STXBP4: variants seen among roughly 807,000 people sequenced by gnomAD.
The protein encoded by STXBP4 is syntaxin binding protein 4.
Under a neutral mutation model 76.1 loss-of-function variants are expected in STXBP4, and 55 were observed. The observed-to-expected ratio is 0.72, with a 90% CI of 0.58 to 0.91. The LOEUF (loss-of-function observed/expected upper bound fraction) is 0.91, where lower values mean the gene tolerates loss of function less well. Ranked by LOEUF, STXBP4 falls within the 40% of genes least tolerant of loss-of-function variation. STXBP4 has a pLI of 0.00. For missense variants in STXBP4, 618 were observed against 636.9 expected (o/e 0.97, Z 0.32); for synonymous variants, 201 against 220.2 (o/e 0.91, Z 0.77).
chr17:54,973,781 G>A (rs2077432138), intron 1 of STXBP4, among the ~76,000 whole-genome samples: 1 of 152,218 alleles, frequency 6.6e-6, no homozygotes, highest in Non-Finnish European at 1.5e-5. Context: ...TTTGTAGGTA[G>A]AGGTGTTAAT....
the STXBP4 span, among the ~76,000 whole-genome samples, chr17:55,195,345 C>CA: frequency 6.6e-6 from 1 of 152,234 alleles, no homozygotes; most frequent in African/African-American, 2.4e-5. Flanking sequence ...CTGCTTACCC[C>CA]AAATGGGAAC....
chr17:55,203,645 A>C, the STXBP4 span, among the ~76,000 whole-genome samples: 1 of 152,208 alleles, frequency 6.6e-6, no homozygotes, highest in African/African-American at 2.4e-5. Flanking sequence ...ACATTTTAGC[A>C]CAATATAAGA....
intron 3 of STXBP4, among the ~76,000 whole-genome samples, chr17:54,988,893 G>A (rs1362290789): frequency 1.3e-5 from 2 of 152,128 alleles, no homozygotes. Flanking sequence ...CCAAATTAGA[G>A]CTGAATTCAG....
chr17:55,141,935 T>C (rs926517232), intron 17 of STXBP4, among the ~76,000 whole-genome samples: 2 of 152,198 alleles, frequency 1.3e-5, no homozygotes, highest in African/African-American at 2.4e-5. Flanking sequence ...TAGGACAGTA[T>C]ATGAACAAAC....
chr17:54,977,766 T>C (rs2077492991), intron 1 of STXBP4, among the ~76,000 whole-genome samples: 1 of 152,252 alleles, frequency 6.6e-6, no homozygotes. Context: ...TGATAAGGTA[T>C]AAAACAAGTT....
chr17:55,172,458 A>G lies in STXBP4; in HGVS notation c.*12547A>G, dbSNP rs981164703. 7 of 152,216 alleles carry G rather than the reference A, an allele frequency of 4.6e-5. No individual in the cohort carries two copies. Among genetic ancestry groups the G allele is most frequent in the Non-Finnish European group, 7.3e-5 (5 of 68,030 alleles). 9.4% of individuals were successfully genotyped at this position (152,216 alleles called of 1,614,324 possible). On this transcript the variant is annotated 3_prime_UTR_variant, in exon 18 of 18. Coordinates refer to ENST00000376352, the MANE Select transcript of STXBP4 (RefSeq NM_178509.6). Reference sequence around the variant, plus strand: ...AAACAAAAGTTACTTTCTTGGATGCATATATTCTTATAGCCTCAAAACTGA... The same window carrying G: ...AAACAAAAGTTACTTTCTTGGATGCGTATATTCTTATAGCCTCAAAACTGA...
chr17:55,136,021 G>A (rs1172656217), intron 16 of STXBP4, among the ~76,000 whole-genome samples: 1 of 152,138 alleles, frequency 6.6e-6, no homozygotes, highest in Non-Finnish European at 1.5e-5. Context: ...CAATGGACAA[G>A]TTATTTAAAC....
chr17:54,972,284 A>G (rs1050771255), intron 1 of STXBP4, among the ~76,000 whole-genome samples: 1 of 152,172 alleles, frequency 6.6e-6, no homozygotes, highest in Non-Finnish European at 1.5e-5. Context: ...GTTTCTCATC[A>G]TATTTTCTCC....
intron 16 of STXBP4, among the ~76,000 whole-genome samples, chr17:55,109,877 A>T (rs2079692102): frequency 6.6e-6 from 1 of 152,110 alleles, no homozygotes; most frequent in Non-Finnish European, 1.5e-5. Context: ...GGCCTCAAGC[A>T]ATCCACCAGT....
chr17:55,036,599 A>G (rs2078608014), intron 10 of STXBP4, among the ~76,000 whole-genome samples: 2 of 151,898 alleles, frequency 1.3e-5, no homozygotes, highest in South Asian at 4.1e-4. Context: ...TGAGTTGCTA[A>G]TAGTCTTATT....
intron 16 of STXBP4, among the ~76,000 whole-genome samples, chr17:55,126,468 C>T (rs1017994145): frequency 6.6e-6 from 1 of 152,062 alleles, no homozygotes; most frequent in African/African-American, 2.4e-5. Flanking sequence ...CCTCTTGGGG[C>T]ACAGAAGTAG....
At chr17:55,036,076 A>G (rs1018929248) in intron 10 of STXBP4, among the ~76,000 whole-genome samples, 3 of 151,998 alleles carry the variant, frequency 2.0e-5, no homozygotes, top group Non-Finnish European at 4.4e-5. Flanking sequence ...TATTAACTGT[A>G]GTCGCCATGT....
the STXBP4 span, among the ~76,000 whole-genome samples, chr17:55,212,394 T>G: frequency 6.6e-6 from 1 of 152,258 alleles, no homozygotes; most frequent in Non-Finnish European, 1.5e-5. Context: ...AATATGAGGA[T>G]AATAATTCTT....
At chr17:54,988,765 C>T (rs913688878) in intron 3 of STXBP4, among the ~76,000 whole-genome samples, 10 of 151,838 alleles carry the variant, frequency 6.6e-5, no homozygotes, top group African/African-American at 1.9e-4. Context: ...AGCAAGACCC[C>T]GTCTCAAAAA....
At chr17:55,158,982 C>T (rs1274478206) in intron 17 of STXBP4, among the ~76,000 whole-genome samples, 4 of 152,166 alleles carry the variant, frequency 2.6e-5, no homozygotes, top group Non-Finnish European at 2.9e-5. Flanking sequence ...CAGTGGCACA[C>T]GCCTGTAATC....
Position 55,053,359 on chromosome 17 carries a change from A to G in STXBP4, c.1011+6205A>G, listed in dbSNP as rs554325113. On this transcript the variant is annotated intron_variant, in intron 12 of 17. Transcript: ENST00000376352. ...AAAGTGCATGTATATTTATATATACATGTGTGTTATTTATACACATATATG... is the reference window on the plus strand; with the variant it reads ...AAAGTGCATGTATATTTATATATACGTGTGTGTTATTTATACACATATATG... Among the ~76,000 whole-genome samples the G allele has an allele frequency of 2.9e-4, 44 of 152,258 alleles. 1 individual carries two copies. The highest frequency in any genetic ancestry group is 6.8e-3 in the Middle Eastern group (2 of 294).
chr17:55,129,862 G>A (rs1188922336), intron 16 of STXBP4, among the ~76,000 whole-genome samples: 1 of 152,156 alleles, frequency 6.6e-6, no homozygotes, highest in Admixed American at 6.5e-5. Context: ...AGGTGCTGCT[G>A]TGAAGAGATT....
At chr17:55,145,843 A>T (rs1598349065) in intron 17 of STXBP4, among the ~76,000 whole-genome samples, 2 of 152,322 alleles carry the variant, frequency 1.3e-5, no homozygotes, top group Middle Eastern at 3.4e-3. Flanking sequence ...TATTAGTTTT[A>T]AAAAGTATTT....
At position 55,031,400 on chromosome 17, in the gene STXBP4, A is replaced by T. The variant is rs73990280; in HGVS notation, c.763+136A>T. 1,082 of 683,518 alleles carry T rather than the reference A, an allele frequency of 1.6e-3. 11 individuals carry two copies. In the African/African-American group the frequency reaches 0.017, roughly 11 times the overall value. The allele number at this position is 683,518 out of a possible 1,614,324, so 42.3% of individuals were successfully genotyped here. On this transcript the variant is annotated intron_variant, in intron 9 of 17. Coordinates refer to ENST00000376352, the MANE Select transcript of STXBP4 (RefSeq NM_178509.6). ...AACTACATCCATTTCAAGGTCCTTA[A>T]TCAGTACCCAAAGAACTCAGCTAGA...
Sources: allele counts gnomAD v4.1 joint callset (sites outside exome capture counted in the v4.1 genomes callset), GRCh38; gene constraint gnomAD v4.1.1; transcripts MANE v1.5; gene names NCBI Gene and HGNC (gene_info 2026-07-23, HGNC 2026-07-21).